SCRG1: variants seen among roughly 807,000 people sequenced by gnomAD.
The protein encoded by SCRG1 is scrapie-responsive protein 1.
Under a neutral mutation model 7.7 loss-of-function variants are expected in SCRG1, and 3 were observed. The ratio of observed to expected loss-of-function variants is 0.39; its 90% CI spans 0.18 to 1.01. The LOEUF (loss-of-function observed/expected upper bound fraction) is 1.01. Ranked by LOEUF, SCRG1 falls within the 50% of genes least tolerant of loss-of-function variation. The probability of loss-of-function intolerance (pLI) is 0.36; values close to 1 mark genes in which losing one functional copy is unlikely to be tolerated. For missense variants in SCRG1, 110 were observed against 117.2 expected, an observed-to-expected ratio of 0.94 and a Z score of 0.28; for synonymous variants, 46 against 41.2, an observed-to-expected ratio of 1.12 and a Z score of -0.44.
chr4:173,509,791 G>A, the SCRG1 span, among the ~76,000 whole-genome samples: 1 of 152,110 alleles, frequency 6.6e-6, no homozygotes, highest in African/African-American at 2.4e-5. This position sits in a 1 kb window ranked among gnomAD's most constrained non-coding sequence, Gnocchi z 5.7. Context: ...GGAAACCTCT[G>A]AAAGGAGAGG....
the SCRG1 span, among the ~76,000 whole-genome samples, chr4:173,506,263 C>G: frequency 2.0e-5 from 3 of 152,122 alleles, no homozygotes; most frequent in African/African-American, 7.2e-5. The surrounding 1 kb of genome is among the most constrained non-coding windows in gnomAD (Gnocchi z 5.3). Flanking sequence ...TAAAATAGTG[C>G]CCAAAGTTTC....
At chr4:173,508,625 G>A in the SCRG1 span, among the ~76,000 whole-genome samples, 1 of 152,176 alleles carries the variant, frequency 6.6e-6, no homozygotes, top group Non-Finnish European at 1.5e-5. The surrounding 1 kb of genome is among the most constrained non-coding windows in gnomAD (Gnocchi z 4.4). Context: ...GAGGGCAGGG[G>A]CCCCCTGAAA....
At chr4:173,484,851 A>T in the SCRG1 span, among the ~76,000 whole-genome samples, 1 of 81,962 alleles carries the variant, frequency 1.2e-5, no homozygotes, top group African/African-American at 5.0e-5. Flanking sequence ...TATTATATAT[A>T]ATATATATTA....
the SCRG1 span, among the ~76,000 whole-genome samples, chr4:173,479,140 A>C: frequency 1.3e-5 from 2 of 152,160 alleles, no homozygotes; most frequent in African/African-American, 4.8e-5. Flanking sequence ...CCAATTCTGA[A>C]CTTGGCATGT....
chr4:173,402,574 A>C (rs1259993925), upstream of SCRG1, among the ~76,000 whole-genome samples: 1 of 152,204 alleles, frequency 6.6e-6, no homozygotes, highest in Non-Finnish European at 1.5e-5. Flanking sequence ...CAGATATCAG[A>C]CATCTTAAGC....
the SCRG1 span, among the ~76,000 whole-genome samples, chr4:173,483,037 CATGTATATTTTATATATAAT>C: frequency 4.2e-5 from 5 of 119,784 alleles, no homozygotes; most frequent in Admixed American, 1.0e-4. Flanking sequence ...TAATATATTT[CATGTATATTTTATATATAAT>C]ATATTTCATG....
chr4:173,490,717 C>T, the SCRG1 span, among the ~76,000 whole-genome samples: 3 of 152,184 alleles, frequency 2.0e-5, no homozygotes. Context: ...CAAAAATTAA[C>T]ATGTTTATAA....
At chr4:173,471,619 G>A in the SCRG1 span, among the ~76,000 whole-genome samples, 1 of 152,086 alleles carries the variant, frequency 6.6e-6, no homozygotes. Context: ...TTTTTGGATT[G>A]ACTTGCCTGG....
At chr4:173,508,105 G>T in the SCRG1 span, among the ~76,000 whole-genome samples, 11 of 152,180 alleles carry the variant, frequency 7.2e-5, no homozygotes, top group Non-Finnish European at 1.6e-4. The surrounding 1 kb of genome is among the most constrained non-coding windows in gnomAD (Gnocchi z 4.4). Context: ...CCCGAGAAAA[G>T]CCCTGTCGGC....
the SCRG1 span, among the ~76,000 whole-genome samples, chr4:173,478,479 G>A: frequency 1.3e-5 from 2 of 152,248 alleles, 1 homozygote; most frequent in South Asian, 4.1e-4. Flanking sequence ...AGTGTCCAGA[G>A]AGAATTCATC....
the SCRG1 span, among the ~76,000 whole-genome samples, chr4:173,480,348 G>GC: frequency 1.3e-5 from 2 of 150,406 alleles, no homozygotes; most frequent in South Asian, 2.1e-4. Flanking sequence ...ACCAGGACTG[G>GC]TTTTTTTTGT....
the SCRG1 span, chr4:173,469,226 T>G: frequency 6.6e-6 from 1 of 152,154 alleles, no homozygotes; most frequent in Admixed American, 6.5e-5. Flanking sequence ...AGGAATTGCT[T>G]AGAGAAAAAA....
At chr4:173,424,550 A>T in the SCRG1 span, among the ~76,000 whole-genome samples, 1 of 152,238 alleles carries the variant, frequency 6.6e-6, no homozygotes, top group African/African-American at 2.4e-5. Context: ...AGAGCAACTG[A>T]TGCAGGACTA....
the SCRG1 span, among the ~76,000 whole-genome samples, chr4:173,510,446 A>ATG: frequency 7.3e-5 from 11 of 151,100 alleles, no homozygotes; most frequent in Non-Finnish European, 1.3e-4. The surrounding 1 kb of genome is among the most constrained non-coding windows in gnomAD (Gnocchi z 5.7). Context: ...ATATATATAT[A>ATG]AATTAACGCA....
the SCRG1 span, among the ~76,000 whole-genome samples, chr4:173,497,093 G>A: frequency 2.0e-5 from 3 of 152,070 alleles, no homozygotes; most frequent in Non-Finnish European, 4.4e-5. Context: ...GCAACAGAGT[G>A]AGACTCTGTC....
the SCRG1 span, among the ~76,000 whole-genome samples, chr4:173,471,023 C>T: frequency 0.018 from 2,672 of 152,202 alleles, 71 homozygotes; most frequent in African/African-American, 0.06. Context: ...TTAAAAGAAA[C>T]ATGGAAACCC....
At chr4:173,507,036 G>T in the SCRG1 span, among the ~76,000 whole-genome samples, 4,500 of 152,294 alleles carry the variant, frequency 0.03, 79 homozygotes, top group South Asian at 0.063. This position sits in a 1 kb window ranked among gnomAD's most constrained non-coding sequence, Gnocchi z 4.4. Context: ...ATGCTGCGCT[G>T]CGGCGGCCAG....
At chr4:173,482,309 G>C in the SCRG1 span, among the ~76,000 whole-genome samples, 209 of 152,256 alleles carry the variant, frequency 1.4e-3, no homozygotes, top group Non-Finnish European at 2.7e-3. Context: ...GAATAGGTTA[G>C]AGACTCTTAA....
In SCRG1 at chr4:173,385,590, T is replaced by A. The variant is rs1033539276; in HGVS notation, c.*2751A>T. The A allele has an allele frequency of 1.3e-5, 2 of 152,186 alleles. No individual in the cohort carries two copies. Among genetic ancestry groups the A allele is most frequent in the Admixed American group, 6.5e-5 (1 of 15,276 alleles). 9.4% of individuals were successfully genotyped at this position (152,186 alleles called of 1,614,324 possible). A position where few individuals can be genotyped will look rare whatever the true frequency, so the allele number is the denominator to read the frequency against. ...TTATTTTGTAATATAAAGAAGGCTG[T>A]GTACTTGTATAATGCATTCATTTCT... On this transcript the variant is annotated 3_prime_UTR_variant, in exon 3 of 3. Transcript: ENST00000296506.
Sources: gnomAD v4.1 joint callset for allele counts (sites outside exome capture counted in the v4.1 genomes callset) on GRCh38, gnomAD v4.1.1 for gene constraint, Gnocchi (gnomAD v3.1) non-coding constraint, MANE v1.5 for transcripts, NCBI Gene and HGNC (gene_info 2026-07-23, HGNC 2026-07-21) for gene names.